Variants in SLC38A10 observed in about 807,000 individuals in gnomAD.
SLC38A10 encodes solute carrier family 38 member 10, also known as Sodium-coupled neutral amino acid transporter 10.
In SLC38A10, 53 loss-of-function variants were observed where a neutral mutation model predicts 81.0. That is an observed-to-expected ratio of 0.65 (90% CI 0.53 to 0.82). The LOEUF (loss-of-function observed/expected upper bound fraction) is 0.82, where lower values mean the gene tolerates loss of function less well. Ranked by LOEUF, SLC38A10 falls within the 40% of genes least tolerant of loss-of-function variation. SLC38A10 has a pLI of 0.00. For missense variants in SLC38A10, 1,471 were observed against 1,545.0 expected, an observed-to-expected ratio of 0.95 and a Z score of 0.80; for synonymous variants, 665 against 655.3, an observed-to-expected ratio of 1.01 and a Z score of -0.23.
At chr17:81,293,285 A>C (rs1482987271) in intron 1 of SLC38A10, among the ~76,000 whole-genome samples, 1 of 152,226 alleles carries the variant, frequency 6.6e-6, no homozygotes, top group Admixed American at 6.5e-5. Context: ...GTCAGTCCAG[A>C]AACACCCAGA....
Position 81,277,569 on chromosome 17 carries a change from A to G in SLC38A10, c.627-436T>C, listed in dbSNP as rs975498559. Among the ~76,000 whole-genome samples, 6 of 152,200 alleles carry G rather than the reference A, an allele frequency of 3.9e-5. No homozygotes were observed. Among genetic ancestry groups the G allele is most frequent in the African/African-American group, 9.7e-5 (4 of 41,450 alleles). On this transcript the variant is annotated intron_variant, in intron 6 of 15. Transcript: ENST00000374759. This position sits in a 1 kb window ranked among gnomAD's most constrained non-coding sequence, Gnocchi z 4.5. The stretch of plus-strand genomic sequence containing the variant: ...TCCATCTCGGCGCCTCCGCACAGGC[A>G]TGATCAGAGTCGGCACAGACAAGGA...
chr17:81,246,373 A>C lies in SLC38A10; in HGVS notation c.2543T>G (p.Val848Gly), dbSNP rs769486631. 3.7e-6 allele frequency: 6 copies of C among 1,602,206 alleles called. No homozygotes were observed. In the South Asian group the frequency reaches 6.6e-5, roughly 18 times the overall value. ...KDAAPRAAGT[V>G]KELPKGPEQV... ...CTCCGGGCCCTTGGGGAGCTCCTTC[A>C]CAGTGCCAGCTGCCCTGGGGGCGGC... The change falls in exon 16 of 16, where the codon GTG becomes GGG. Residue 848 changes from valine (V) to glycine (G), a missense_variant. Coordinates refer to ENST00000374759, the MANE Select transcript of SLC38A10 (RefSeq NM_001037984.3).
rs975362173 is a variant in SLC38A10 at position 81,289,870 on chromosome 17, C to T, written c.100-62G>A. 2.2e-6 allele frequency: 3 copies of T among 1,380,324 alleles called. No individual in the cohort carries two copies. Among genetic ancestry groups the T allele is most frequent in the East Asian group, 2.7e-5 (1 of 37,398 alleles). 85.5% of individuals were successfully genotyped at this position (1,380,324 alleles called of 1,614,324 possible). A position where few individuals can be genotyped will look rare whatever the true frequency, so the allele number is the denominator to read the frequency against. ...CAGGTGCTCCCCAGAGGCCCTCACC[C>T]CACACACGCGGCTCATGAGGACCCT... On this transcript the variant is annotated intron_variant, in intron 1 of 15. Coordinates refer to ENST00000374759, the MANE Select transcript of SLC38A10 (RefSeq NM_001037984.3). The surrounding 1 kb of genome is among the most constrained non-coding windows in gnomAD (Gnocchi z 5.9).
chr17:81,246,611 C>A lies in SLC38A10; in HGVS notation c.2305G>T (p.Ala769Ser), dbSNP rs752704471. The A allele has an allele frequency of 1.3e-6, 2 of 1,516,370 alleles. No individual in the cohort carries two copies. The highest frequency in any genetic ancestry group is 8.8e-7 in the Non-Finnish European group (1 of 1,135,070). The allele number at this position is 1,516,370 out of a possible 1,614,324, so 93.9% of individuals were successfully genotyped here. ...PRGQEAPEGK[A>S]RETVENLPPL... ...GGCAGATTCTCCACCGTCTCCCTGG[C>A]CTTGCCTTCAGGGGCCTCCTGGCCT... Residue 769 changes from alanine to serine, a missense_variant, in exon 16 of 16, where the codon GCC (alanine) becomes TCC (serine). Transcript: ENST00000374759.
chr17:81,245,471 A>G lies in SLC38A10; in HGVS notation c.*85T>C. On this transcript the variant is annotated 3_prime_UTR_variant, in exon 16 of 16. Transcript: ENST00000374759. Reference sequence around the variant, plus strand: ...CTGGGGAGAGGCGAGTGTGACCTCCAGAGTTTGGCTGGGATGCGGCTGAGA... The same window carrying G: ...CTGGGGAGAGGCGAGTGTGACCTCCGGAGTTTGGCTGGGATGCGGCTGAGA... 1 of 1,481,630 alleles carries G rather than the reference A, an allele frequency of 6.7e-7. No homozygotes were observed. The highest frequency in any genetic ancestry group is 9.0e-7 in the Non-Finnish European group (1 of 1,112,126). 91.8% of individuals were successfully genotyped at this position (1,481,630 alleles called of 1,614,324 possible). A position where few individuals can be genotyped will look rare whatever the true frequency, so the allele number is the denominator to read the frequency against.
chr17:81,279,532 C>A (rs1157025846), intron 6 of SLC38A10, among the ~76,000 whole-genome samples: 1 of 152,192 alleles, frequency 6.6e-6, no homozygotes, highest in East Asian at 1.9e-4. Flanking sequence ...GATGTCCCTG[C>A]TGGGGAGAAT....
At chr17:81,252,050 C>T (rs1318098262) in intron 13 of SLC38A10, 145 bp downstream of exon 13, 17 of 1,212,052 alleles carry the variant, frequency 1.4e-5, no homozygotes, top group East Asian at 7.6e-5. Context: ...CACCAGCTGC[C>T]GGGGCCCGCT....
intron 8 of SLC38A10, 58 bp downstream of exon 8, chr17:81,275,911 A>G: frequency 2.0e-6 from 3 of 1,521,702 alleles, no homozygotes; most frequent in Non-Finnish European, 2.7e-6. Flanking sequence ...CTGGGGGCTT[A>G]TGGGAAGCGA....
rs2063174494 is a variant in SLC38A10, at chr17:81,277,703, G to A, written c.627-570C>T. On this transcript the variant is annotated intron_variant, in intron 6 of 15. Coordinates refer to ENST00000374759, the MANE Select transcript of SLC38A10 (RefSeq NM_001037984.3). The surrounding 1 kb of genome is among the most constrained non-coding windows in gnomAD (Gnocchi z 4.5). ...GAGTGTGGTGCTGCTAGGGGTGGGA[G>A]GGACCCAAGCCACCAGCCAGGCAAG... Among the ~76,000 whole-genome samples, 1 of 152,216 alleles carries A rather than the reference G, an allele frequency of 6.6e-6. No individual in the cohort carries two copies. The highest frequency in any genetic ancestry group is 1.5e-5 in the Non-Finnish European group (1 of 68,036).
chr17:81,271,310 C>T (rs1005592626), intron 9 of SLC38A10, among the ~76,000 whole-genome samples: 3 of 152,184 alleles, frequency 2.0e-5, no homozygotes, highest in South Asian at 2.1e-4. Flanking sequence ...GCGCACGGCA[C>T]GGCTCCTGCG....
Position 81,246,417 on chromosome 17 carries a change from C to T in SLC38A10, c.2499G>A (p.Leu833=). 5 of 1,601,590 alleles carry T rather than the reference C, an allele frequency of 3.1e-6. No individual in the cohort carries two copies. The highest frequency in any genetic ancestry group is 4.3e-6 in the Non-Finnish European group (5 of 1,175,156). The change falls in exon 16 of 16, where the codon CTG becomes CTA. Residue 833 remains leucine, a synonymous_variant. Coordinates refer to ENST00000374759, the MANE Select transcript of SLC38A10 (RefSeq NM_001037984.3). ...GGGCGGCATCCTTCTGGCCATCTCT[C>T]AGCTTGGCCTGGGCTGCCCGAGGCT... ...DTEPRAAQAK[L]RDGQKDAAPR...
chr17:81,278,785 C>T (rs554784986), intron 6 of SLC38A10, among the ~76,000 whole-genome samples: 3 of 152,310 alleles, frequency 2.0e-5, no homozygotes, highest in African/African-American at 7.2e-5. Context: ...CACGTGCTTA[C>T]CCCCAGCCCC....
At chr17:81,248,523 C>T (rs1235666070) in intron 14 of SLC38A10, among the ~76,000 whole-genome samples, 3 of 152,234 alleles carry the variant, frequency 2.0e-5, no homozygotes, top group African/African-American at 4.8e-5. Flanking sequence ...TTGCCGCAAG[C>T]GGCTGTGACT....
Position 81,246,062 on chromosome 17 carries a change from G to A in SLC38A10, c.2854C>T (p.Pro952Ser), listed in dbSNP as rs1281911864. ...PGGAEGAAAQ[P>S]QAVLRQPELR... ...TCCGGCTGGCGTAACACAGCCTGGG[G>A]CTGTGCAGCTGCTCCTTCCGCCCCA... Residue 952 changes from proline to serine, a missense_variant, in exon 16 of 16, where the codon CCC (proline) becomes TCC (serine). This residue lies in a region of SLC38A10 where 751 missense variants were observed against 717.4 expected (regional missense o/e 1.05). Transcript: ENST00000374759. 1 of 1,609,420 alleles carries A rather than the reference G, an allele frequency of 6.2e-7. No individual in the cohort carries two copies. The highest frequency in any genetic ancestry group is 8.5e-7 in the Non-Finnish European group (1 of 1,179,694).
At position 81,294,980 on chromosome 17, in the gene SLC38A10, C is replaced by T; in HGVS notation, c.-59G>A. 1 of 1,515,564 alleles carries T rather than the reference C, an allele frequency of 6.6e-7. No homozygotes were observed. The highest frequency in any genetic ancestry group is 8.8e-7 in the Non-Finnish European group (1 of 1,132,584). 93.9% of individuals were successfully genotyped at this position (1,515,564 alleles called of 1,614,324 possible). A position where few individuals can be genotyped will look rare whatever the true frequency, so the allele number is the denominator to read the frequency against. On this transcript the variant is annotated 5_prime_UTR_variant, in exon 1 of 16. Transcript: ENST00000374759. ...TCGGGGGTCGCCGGGCTGCGGCCGG[C>T]TTTGGAAGCCCAGCCCGAGGCCACG...
At chr17:81,252,132 C>T (rs2062921163) in intron 13 of SLC38A10, 63 bp downstream of exon 13, 2 of 1,486,678 alleles carry the variant, frequency 1.3e-6, no homozygotes, top group African/African-American at 2.8e-5. Context: ...TCTGCTGCCC[C>T]TGCCCAGCCT....
At chr17:81,272,662 C>T in intron 8 of SLC38A10, 35 bp from the exon 9 acceptor site, 2 of 1,427,688 alleles carry the variant, frequency 1.4e-6, no homozygotes, top group Non-Finnish European at 1.9e-6. Context: ...TTTGAAATGA[C>T]TGATTTCCTC....
At chr17:81,278,300 C>T (rs2063179974) in intron 6 of SLC38A10, among the ~76,000 whole-genome samples, 1 of 152,194 alleles carries the variant, frequency 6.6e-6, no homozygotes, top group African/African-American at 2.4e-5. Flanking sequence ...AGGAGGATCA[C>T]TGGAGCCCGG....
intron 6 of SLC38A10, among the ~76,000 whole-genome samples, chr17:81,279,131 CT>C (rs1417216397): frequency 6.6e-6 from 1 of 152,224 alleles, no homozygotes; most frequent in Non-Finnish European, 1.5e-5. Flanking sequence ...ACATGCAGCT[CT>C]TGGGTGTGTG....
Sources: gnomAD v4.1 joint callset for allele counts (sites outside exome capture counted in the v4.1 genomes callset) on GRCh38, gnomAD v4.1.1 for gene constraint, gnomAD v4.1.1 regional missense constraint, Gnocchi (gnomAD v3.1) non-coding constraint, MANE v1.5 for transcripts, NCBI Gene and HGNC (gene_info 2026-07-23, HGNC 2026-07-21) for gene names.